Variants in TNFRSF9 observed in about 807,000 individuals in gnomAD.
TNFRSF9 encodes the protein tumor necrosis factor receptor superfamily member 9.
TNFRSF9 carries 16 observed loss-of-function variants against 28.8 expected under a neutral mutation model. The observed-to-expected ratio is 0.55, with a 90% CI of 0.38 to 0.84. The LOEUF (loss-of-function observed/expected upper bound fraction) is 0.84. TNFRSF9 is among the 40% of genes least tolerant of loss of function. The pLI is 0.00. For synonymous variants in TNFRSF9, 131 were observed against 117.0 expected, an observed-to-expected ratio of 1.12 and a Z score of -0.77; for missense variants, 303 against 315.0, an observed-to-expected ratio of 0.96 and a Z score of 0.29.
rs1301487385 is a variant in TNFRSF9 at position 7,915,878 on chromosome 1, T to G, written c.*4957A>C. ...AAGCTTTTTAAAATAAGGTCTTTTTTTCTTATTCTTTTTTTCCTGTGAACA... is the reference window on the plus strand; with the variant it reads ...AAGCTTTTTAAAATAAGGTCTTTTTGTCTTATTCTTTTTTTCCTGTGAACA... On this transcript the variant is annotated 3_prime_UTR_variant, in exon 8 of 8. Coordinates refer to ENST00000377507, the MANE Select transcript of TNFRSF9 (RefSeq NM_001561.6). 6.6e-6 allele frequency: 1 copy of G among 152,210 alleles called. No individual in the cohort carries two copies. The highest frequency in any genetic ancestry group is 2.4e-5 in the African/African-American group (1 of 41,444). The allele number at this position is 152,210 out of a possible 1,614,324, so 9.4% of individuals were successfully genotyped here. A position where few individuals can be genotyped will look rare whatever the true frequency, so the allele number is the denominator to read the frequency against.
At chr1:7,938,645 G>T in intron 3 of TNFRSF9, 76 bp downstream of exon 3, 1 of 1,229,142 alleles carries the variant, frequency 8.1e-7, no homozygotes, top group Non-Finnish European at 1.2e-6. Context: ...TCAAAAGAGA[G>T]CAGTTAGTAA....
intron 7 of TNFRSF9, among the ~76,000 whole-genome samples, chr1:7,927,860 G>A (rs1302848585): frequency 6.6e-6 from 1 of 152,082 alleles, no homozygotes; most frequent in Non-Finnish European, 1.5e-5. Flanking sequence ...GGAAGAGCCT[G>A]AGAAGAGGAT....
intron 7 of TNFRSF9, among the ~76,000 whole-genome samples, chr1:7,928,224 T>C (rs915131107): frequency 3.9e-5 from 6 of 152,130 alleles, no homozygotes; most frequent in African/African-American, 1.4e-4. Context: ...CTCTGGAAAA[T>C]AGTTCGACAA....
intron 7 of TNFRSF9, among the ~76,000 whole-genome samples, chr1:7,921,521 T>C (rs1228286126): frequency 6.6e-6 from 1 of 150,698 alleles, no homozygotes; most frequent in Non-Finnish European, 1.5e-5. Context: ...CCAAAAAAAT[T>C]AGCTGGGCGT....
At position 7,916,622 on chromosome 1, in the gene TNFRSF9, G is replaced by A. The variant is rs1558526289; in HGVS notation, c.*4213C>T. ...TTAAACACCATGTGTCCAAAGCCAAGAGGAGAAATCACTTTAGAACTTACA... is the reference window on the plus strand; with the variant it reads ...TTAAACACCATGTGTCCAAAGCCAAAAGGAGAAATCACTTTAGAACTTACA... On this transcript the variant is annotated 3_prime_UTR_variant, in exon 8 of 8. Coordinates refer to ENST00000377507, the MANE Select transcript of TNFRSF9 (RefSeq NM_001561.6). 1 of 152,158 alleles carries A rather than the reference G, an allele frequency of 6.6e-6. No homozygotes were observed. Among genetic ancestry groups the A allele is most frequent in the Non-Finnish European group, 1.5e-5 (1 of 68,032 alleles). 9.4% of individuals were successfully genotyped at this position (152,158 alleles called of 1,614,324 possible). A position where few individuals can be genotyped will look rare whatever the true frequency, so the allele number is the denominator to read the frequency against.
chr1:7,938,156 C>T, intron 4 of TNFRSF9, 37 bp downstream of exon 4: 1 of 1,504,748 alleles, frequency 6.6e-7, no homozygotes, highest in Admixed American at 2.2e-5. Context: ...TTGTCTATGT[C>T]ACAAAACTAC....
rs190053210 is a variant in TNFRSF9 at position 7,922,223 on chromosome 1, A to C, written c.680-1300T>G. On this transcript the variant is annotated intron_variant, in intron 7 of 7. Transcript: ENST00000377507. ...ACACCATCTCCTAGAACTTATGAAA[A>C]ACTGGCAAGATGTTCAGAAATACCA... Among the ~76,000 whole-genome samples, 63 of 152,308 alleles carry C rather than the reference A, an allele frequency of 4.1e-4. 2 individuals carry two copies. Among genetic ancestry groups the C allele is most frequent in the Admixed American group, 3.7e-3 (56 of 15,292 alleles).
intron 5 of TNFRSF9, chr1:7,936,411 C>T: frequency 6.3e-6 from 1 of 158,858 alleles, no homozygotes; most frequent in Non-Finnish European, 1.3e-5. Flanking sequence ...GAGCGAAACT[C>T]CATCTCAAAA....
intron 7 of TNFRSF9, among the ~76,000 whole-genome samples, chr1:7,922,504 A>G (rs1253334672): frequency 6.6e-6 from 1 of 152,258 alleles, no homozygotes; most frequent in East Asian, 1.9e-4. Flanking sequence ...AATAGCGTGG[A>G]CAAAACAAAG....
chr1:7,938,264 A>T lies in TNFRSF9; in HGVS notation c.275T>A (p.Phe92Tyr). The change falls in exon 4 of 8, where the codon TTT becomes TAT. Residue 92 changes from phenylalanine (F) to tyrosine (Y), a missense_variant. Coordinates refer to ENST00000377507, the MANE Select transcript of TNFRSF9 (RefSeq NM_001561.6). ...SNAECDCTPG[F>Y]HCLGAGCSMC... The stretch of plus-strand genomic sequence containing the variant: ...GCTGCATCCTGCCCCCAGGCAGTGA[A>T]ACCCTGGAGTGCAGTCACACTCTGC... 2 of 1,609,098 alleles carry T rather than the reference A, an allele frequency of 1.2e-6. No individual in the cohort carries two copies. Among genetic ancestry groups the T allele is most frequent in the Non-Finnish European group, 1.7e-6 (2 of 1,177,930 alleles).
intron 4 of TNFRSF9, 85 bp from the exon 5 acceptor site, chr1:7,937,841 A>G: frequency 2.6e-6 from 3 of 1,175,940 alleles, no homozygotes; most frequent in Admixed American, 3.6e-5. Flanking sequence ...AATATAAGTC[A>G]TTACCATAAT....
At chr1:7,932,849 C>T (rs1326316187) in intron 7 of TNFRSF9, among the ~76,000 whole-genome samples, 1 of 152,164 alleles carries the variant, frequency 6.6e-6, no homozygotes, top group Non-Finnish European at 1.5e-5. Flanking sequence ...TTCTCCACCT[C>T]AGCACTATTG....
Position 7,918,823 on chromosome 1 carries a change from T to C in TNFRSF9, c.*2012A>G, listed in dbSNP as rs1260266408. On this transcript the variant is annotated 3_prime_UTR_variant, in exon 8 of 8. Transcript: ENST00000377507. ...AGATCTCATTCTATACCCACTGGCT[T>C]GGCAAAATTAAGGGCACCTGATAGT... 6.6e-6 allele frequency: 1 copy of C among 152,170 alleles called. No homozygotes were observed. The highest frequency in any genetic ancestry group is 1.5e-5 in the Non-Finnish European group (1 of 68,034). The allele number at this position is 152,170 out of a possible 1,614,324, so 9.4% of individuals were successfully genotyped here. A position where few individuals can be genotyped will look rare whatever the true frequency, so the allele number is the denominator to read the frequency against.
chr1:7,933,499 G>A (rs1639767521), intron 6 of TNFRSF9, among the ~76,000 whole-genome samples: 1 of 152,168 alleles, frequency 6.6e-6, no homozygotes, highest in African/African-American at 2.4e-5. Flanking sequence ...CACTTTGGAA[G>A]GCCGAGGCAG....
chr1:7,933,689 C>T (rs1447246724), intron 6 of TNFRSF9, among the ~76,000 whole-genome samples: 1 of 150,344 alleles, frequency 6.7e-6, no homozygotes, highest in African/African-American at 2.4e-5. Context: ...AGTGAGACTC[C>T]ATCTCAAAAA....
At chr1:7,938,859 T>C (rs752815970) in intron 2 of TNFRSF9, 31 bp from the exon 3 acceptor site, 5 of 1,504,846 alleles carry the variant, frequency 3.3e-6, no homozygotes, top group South Asian at 1.2e-5. Context: ...TGGTACACGT[T>C]TGACAATGGG....
At chr1:7,934,912 G>A in intron 6 of TNFRSF9, 101 bp downstream of exon 6, 2 of 1,469,004 alleles carry the variant, frequency 1.4e-6, no homozygotes, top group Non-Finnish European at 1.9e-6. Context: ...AATGCACGTG[G>A]GAGGTGCCTG....
chr1:7,929,463 C>G (rs1376086258), intron 7 of TNFRSF9, among the ~76,000 whole-genome samples: 2 of 151,976 alleles, frequency 1.3e-5, no homozygotes, highest in Non-Finnish European at 1.5e-5. Context: ...CACTGTGCCC[C>G]GCCCCTCATT....
intron 7 of TNFRSF9, among the ~76,000 whole-genome samples, chr1:7,932,681 GCACGCACGCGCACACACA>G (rs1486743597): frequency 6.8e-6 from 1 of 146,834 alleles, no homozygotes; most frequent in East Asian, 2.0e-4. Flanking sequence ...ATACACACAC[GCACGCACGCGCACACACA>G]CACGCACACA....
Sources: allele counts gnomAD v4.1 joint callset (sites outside exome capture counted in the v4.1 genomes callset), GRCh38; gene constraint gnomAD v4.1.1; transcripts MANE v1.5; gene names NCBI Gene and HGNC (gene_info 2026-07-23, HGNC 2026-07-21).